The following TANC2 variants were observed in gnomAD, a reference collection of about 807,000 sequenced individuals.
The protein encoded by TANC2 is tetratricopeptide repeat, ankyrin repeat and coiled-coil containing 2.
In TANC2, 26 loss-of-function variants were observed where a neutral mutation model predicts 210.5. That is an observed-to-expected ratio of 0.12 (90% confidence interval 0.09 to 0.17). The LOEUF is 0.17. Among genes scored for constraint, TANC2 ranks in the 10% least tolerant of loss-of-function variants. The pLI, the probability that TANC2 is intolerant of heterozygous loss-of-function variation, is 1.00. For missense variants in TANC2, 2,129 were observed against 2,608.9 expected (o/e 0.82, Z 4.01); for synonymous variants, 931 against 967.1 (o/e 0.96, Z 0.69).
chr17:63,134,807 A>C (rs1410125205), intron 4 of TANC2, among the ~76,000 whole-genome samples: 12 of 152,154 alleles, frequency 7.9e-5, no homozygotes, highest in Non-Finnish European at 1.8e-4. Flanking sequence ...TTATCCTATA[A>C]TTTCTTTTAT....
chr17:63,073,514 A>C (rs78706847), intron 2 of TANC2, among the ~76,000 whole-genome samples: 4,487 of 152,236 alleles, frequency 0.029, 82 homozygotes, highest in South Asian at 0.037. Flanking sequence ...AAAACATACG[A>C]ATGTAATTCT....
intron 4 of TANC2, 42 bp from the exon 5 acceptor site, chr17:63,151,228 C>T (rs918698411): frequency 3.4e-6 from 3 of 884,006 alleles, no homozygotes; most frequent in Non-Finnish European, 4.1e-6. Flanking sequence ...CTCTCTTGCT[C>T]TCTCTGTCTC....
intron 1 of TANC2, among the ~76,000 whole-genome samples, chr17:62,981,521 G>A (rs1232596238): frequency 6.6e-6 from 1 of 151,998 alleles, no homozygotes; most frequent in African/African-American, 2.4e-5. Context: ...CTCTAGCTTT[G>A]TATCTCATGT....
chr17:63,299,701 G>A (rs1214221848), intron 9 of TANC2, among the ~76,000 whole-genome samples: 4 of 151,948 alleles, frequency 2.6e-5, no homozygotes, highest in Admixed American at 6.6e-5. Context: ...CAGATGGATC[G>A]ATTGCAAATA....
At chr17:63,309,842 T>C (rs2045056936) in intron 9 of TANC2, among the ~76,000 whole-genome samples, 1 of 152,186 alleles carries the variant, frequency 6.6e-6, no homozygotes, top group South Asian at 2.1e-4. Context: ...GATGCAGTAG[T>C]AGACTTACAG....
At chr17:63,097,940 T>C (rs1339065096) in intron 3 of TANC2, among the ~76,000 whole-genome samples, 1 of 152,212 alleles carries the variant, frequency 6.6e-6, no homozygotes, top group Non-Finnish European at 1.5e-5. Flanking sequence ...ATGTCTAATC[T>C]ACATTTACAT....
chr17:63,382,081 C>T (rs932320083), intron 15 of TANC2, among the ~76,000 whole-genome samples: 9 of 152,284 alleles, frequency 5.9e-5, no homozygotes, highest in Admixed American at 1.3e-4. Context: ...TCTTTTCTCC[C>T]GTACTTCACA....
intron 14 of TANC2, among the ~76,000 whole-genome samples, chr17:63,362,200 G>A (rs1190309686): frequency 6.6e-6 from 1 of 152,216 alleles, no homozygotes; most frequent in East Asian, 1.9e-4. Flanking sequence ...GGGGAGAGGA[G>A]ACATGGAGTG....
At chr17:63,050,293 G>C (rs892399186) in intron 2 of TANC2, among the ~76,000 whole-genome samples, 1 of 151,332 alleles carries the variant, frequency 6.6e-6, no homozygotes, top group Non-Finnish European at 1.5e-5. Flanking sequence ...GAAAATTGAG[G>C]CTTCAGTGAG....
At chr17:63,165,869 T>C (rs2040194292) in intron 5 of TANC2, among the ~76,000 whole-genome samples, 1 of 152,202 alleles carries the variant, frequency 6.6e-6, no homozygotes, top group Non-Finnish European at 1.5e-5. Context: ...GTCAAACATA[T>C]GTCTGTTGAA....
intron 5 of TANC2, among the ~76,000 whole-genome samples, chr17:63,166,722 GTA>G (rs1340623852): frequency 6.6e-6 from 1 of 152,040 alleles, no homozygotes; most frequent in East Asian, 1.9e-4. Context: ...GCATCTTTAG[GTA>G]TACCACTTCT....
intron 8 of TANC2, among the ~76,000 whole-genome samples, chr17:63,257,518 C>T (rs1004490834): frequency 5.3e-5 from 8 of 152,092 alleles, no homozygotes; most frequent in African/African-American, 1.9e-4. Context: ...CCACCATGCT[C>T]AGCTAATTTT....
intron 8 of TANC2, among the ~76,000 whole-genome samples, chr17:63,248,373 C>T (rs1469550532): frequency 1.3e-5 from 2 of 151,976 alleles, no homozygotes; most frequent in African/African-American, 4.8e-5. Context: ...ACGTCAAGGG[C>T]AGGATGGGGA....
chr17:63,322,357 G>A (rs1398715521), intron 11 of TANC2, among the ~76,000 whole-genome samples: 1 of 152,134 alleles, frequency 6.6e-6, no homozygotes, highest in Non-Finnish European at 1.5e-5. Context: ...AATTAGCCGG[G>A]CGTGGTGGCG....
At chr17:63,134,903 TA>T (rs1246257263) in intron 4 of TANC2, among the ~76,000 whole-genome samples, 1 of 152,174 alleles carries the variant, frequency 6.6e-6, no homozygotes, top group Non-Finnish European at 1.5e-5. Flanking sequence ...TCTTCCAATT[TA>T]GGGGGCATAC....
chr17:63,317,043 C>T (rs1235155296), intron 10 of TANC2, among the ~76,000 whole-genome samples: 1 of 151,782 alleles, frequency 6.6e-6, no homozygotes, highest in Non-Finnish European at 1.5e-5. Context: ...TCATTTGGAA[C>T]CTCACTGGCT....
chr17:63,107,285 A>G (rs929865597), intron 4 of TANC2, among the ~76,000 whole-genome samples: 2 of 151,738 alleles, frequency 1.3e-5, no homozygotes, highest in African/African-American at 4.9e-5. Flanking sequence ...TTCTAAACAA[A>G]TTGAGAGGAA....
intron 7 of TANC2, among the ~76,000 whole-genome samples, chr17:63,212,333 G>T (rs2041912145): frequency 6.6e-6 from 1 of 152,068 alleles, no homozygotes; most frequent in South Asian, 2.1e-4. Flanking sequence ...AATTCCTGCT[G>T]AGCTTCTTCC....
intron 14 of TANC2, among the ~76,000 whole-genome samples, chr17:63,370,474 G>A (rs1343013429): frequency 2.0e-5 from 3 of 151,728 alleles, no homozygotes; most frequent in Non-Finnish European, 2.9e-5. Flanking sequence ...CACCACGCCC[G>A]GCCTCCTTAG....
Sources: allele counts gnomAD v4.1 joint callset (sites outside exome capture counted in the v4.1 genomes callset), GRCh38; gene constraint gnomAD v4.1.1; transcripts MANE v1.5; gene names NCBI Gene and HGNC (gene_info 2026-07-23, HGNC 2026-07-21).